DAW1: variants seen among roughly 807,000 people sequenced by gnomAD.
DAW1 encodes dynein assembly factor with WD repeats 1.
Under a neutral mutation model 56.5 loss-of-function variants are expected in DAW1, and 47 were observed. The observed-to-expected ratio is 0.83, with a 90% CI of 0.66 to 1.06. The LOEUF is 1.06. DAW1 is among the 50% of genes least tolerant of loss of function. The probability of loss-of-function intolerance (pLI) is 0.00; values close to 1 mark genes in which losing one functional copy is unlikely to be tolerated. For synonymous variants in DAW1, 190 were observed against 179.0 expected, an observed-to-expected ratio of 1.06 and a Z score of -0.49; for missense variants, 505 against 499.3, an observed-to-expected ratio of 1.01 and a Z score of -0.11.
chr2:227,906,292 G>A lies in DAW1; in HGVS notation c.812G>A (p.Trp271Ter). ...CAEISSASFN[W>*]DCSLILTGSM... The stretch of plus-strand genomic sequence containing the variant: ...GAGATTAGCAGTGCCTCATTCAATT[G>A]GGATTGCTCTCTAATATTAACTGGC... The change falls in exon 9 of 13, where the codon TGG (tryptophan) becomes TAG (stop). Residue 271 changes from tryptophan to a stop codon, truncating the protein, a stop_gained. Transcript: ENST00000309931. LOFTEE classifies it high-confidence loss of function. 6.2e-7 allele frequency: 1 copy of A among 1,613,278 alleles called. No individual in the cohort carries two copies. Among genetic ancestry groups the A allele is most frequent in the Admixed American group, 1.7e-5 (1 of 59,990 alleles).
rs921396551 is a variant in DAW1, at chr2:227,911,264, A to G, written c.973+4012A>G. On this transcript the variant is annotated intron_variant, in intron 10 of 12. Coordinates refer to ENST00000309931, the MANE Select transcript of DAW1 (RefSeq NM_178821.3). ...CATATATACATATATACACGTGTAT[A>G]TACACATATACACGTGTATATATAC... Among the ~76,000 whole-genome samples, 15 of 146,192 alleles carry G rather than the reference A, an allele frequency of 1.0e-4. 1 individual carries two copies. Among genetic ancestry groups the G allele is most frequent in the African/African-American group, 3.5e-4 (14 of 39,922 alleles).
intron 10 of DAW1, among the ~76,000 whole-genome samples, chr2:227,907,510 G>A (rs1691714625): frequency 6.6e-6 from 1 of 151,964 alleles, no homozygotes; most frequent in African/African-American, 2.4e-5. Flanking sequence ...CTTAATATCT[G>A]TATATGATGC....
At chr2:227,913,422 A>G (rs1691876049) in intron 10 of DAW1, among the ~76,000 whole-genome samples, 1 of 152,172 alleles carries the variant, frequency 6.6e-6, no homozygotes, top group Non-Finnish European at 1.5e-5. Flanking sequence ...CATCATGTTG[A>G]AAATCACAGA....
chr2:227,917,665 A>C (rs1291291654), intron 10 of DAW1, among the ~76,000 whole-genome samples: 1 of 152,086 alleles, frequency 6.6e-6, no homozygotes, highest in East Asian at 1.9e-4. Context: ...GTTTTATAAA[A>C]CTTAGAGTGT....
intron 11 of DAW1, among the ~76,000 whole-genome samples, chr2:227,920,799 C>T (rs936848824): frequency 6.6e-6 from 1 of 152,154 alleles, no homozygotes; most frequent in Non-Finnish European, 1.5e-5. Context: ...GCCTCAGCCT[C>T]CCCAGTAGCT....
chr2:227,921,812 T>A (rs1692117624), intron 12 of DAW1, among the ~76,000 whole-genome samples: 1 of 152,222 alleles, frequency 6.6e-6, no homozygotes, highest in Non-Finnish European at 1.5e-5. Flanking sequence ...AGGTAACAAT[T>A]TGATAGCCTG....
chr2:227,910,653 T>C (rs1384856764), intron 10 of DAW1, among the ~76,000 whole-genome samples: 2 of 152,158 alleles, frequency 1.3e-5, no homozygotes, highest in Non-Finnish European at 2.9e-5. Context: ...TGTTACTTTA[T>C]ACTATTTCGG....
chr2:227,883,488 C>A (rs998208611), intron 1 of DAW1, among the ~76,000 whole-genome samples: 3 of 152,214 alleles, frequency 2.0e-5, no homozygotes, highest in African/African-American at 7.2e-5. Flanking sequence ...AGGTTTAATG[C>A]AAGTATATGG....
chr2:227,881,728 T>C (rs1374699405), intron 1 of DAW1, among the ~76,000 whole-genome samples: 1 of 150,308 alleles, frequency 6.7e-6, no homozygotes, highest in African/African-American at 2.4e-5. Context: ...ATACACTTTT[T>C]AACTCTGCCA....
chr2:227,907,168 G>T lies in DAW1; in HGVS notation c.889G>T (p.Ala297Ser). 1 of 1,612,518 alleles carries T rather than the reference G, an allele frequency of 6.2e-7. No homozygotes were observed. Among genetic ancestry groups the T allele is most frequent in the South Asian group, 1.1e-5 (1 of 90,700 alleles). The stretch of plus-strand genomic sequence containing the variant: ...GGATGCTACAAATGGAAAATGTGTG[G>T]CAACCTTAACAGGCCATGATGATGA... ...LWDATNGKCV[A>S]TLTGHDDEIL... Residue 297 changes from alanine to serine, a missense_variant, in exon 10 of 13, where the codon GCA becomes TCA. Coordinates refer to ENST00000309931, the MANE Select transcript of DAW1 (RefSeq NM_178821.3).
Position 227,903,025 on chromosome 2 carries a change from AAGC to A in DAW1, c.566_568del (p.Ser189del). ...AGGTGTGTTTATCATTTAACCCTCA[AAGC>A]ACATTGGTGGCGACTGGAAGTATGG... is the stretch of plus-strand genomic sequence containing the variant. On this transcript the variant is annotated inframe_deletion, in exon 7 of 13. Transcript: ENST00000309931. 2 of 1,614,158 alleles carry A rather than the reference AAGC, an allele frequency of 1.2e-6. No individual in the cohort carries two copies. The highest frequency in any genetic ancestry group is 1.7e-6 in the Non-Finnish European group (2 of 1,180,014).
chr2:227,896,748 G>A (rs1691419196), intron 5 of DAW1, among the ~76,000 whole-genome samples: 3 of 151,934 alleles, frequency 2.0e-5, no homozygotes, highest in African/African-American at 7.3e-5. Context: ...ATTGACATGA[G>A]AGATATCTTC....
At chr2:227,889,152 C>A (rs1239679902) in intron 2 of DAW1, among the ~76,000 whole-genome samples, 3 of 152,012 alleles carry the variant, frequency 2.0e-5, no homozygotes, top group Non-Finnish European at 4.4e-5. Context: ...TCAAAAGAAA[C>A]AGGAAAGAAA....
chr2:227,907,381 T>C, intron 10 of DAW1, 129 bp downstream of exon 10: 1 of 691,216 alleles, frequency 1.4e-6, no homozygotes, highest in East Asian at 2.8e-5. Flanking sequence ...CTCATCTCTA[T>C]CGTGACCATG....
At chr2:227,893,996 A>G in intron 5 of DAW1, 79 bp downstream of exon 5, 1 of 1,418,214 alleles carries the variant, frequency 7.1e-7, no homozygotes, top group Middle Eastern at 2.4e-4. Flanking sequence ...AGGGAAGAAG[A>G]CAAGAGGTCT....
chr2:227,906,243 A>C lies in DAW1; in HGVS notation c.763A>C (p.Asn255His). Residue 255 changes from asparagine (N) to histidine (H), a missense_variant, in exon 9 of 13, where the codon AAT becomes CAT. Physicochemically the swap from Asn to His is moderately conservative, Grantham distance 68 (BLOSUM62 1). Coordinates refer to ENST00000309931, the MANE Select transcript of DAW1 (RefSeq NM_178821.3). ...ATTATTTTTGTGTTGTAGGAAGGTA[A>C]ATATCTTAATTGGTCATTGTGCTGA... ...VWDADTGRKV[N>H]ILIGHCAEIS... The C allele has an allele frequency of 1.2e-6, 2 of 1,611,196 alleles. No homozygotes were observed. The highest frequency in any genetic ancestry group is 2.2e-5 in the East Asian group (1 of 44,822).
intron 10 of DAW1, chr2:227,912,406 T>G (rs901600623): frequency 3.8e-5 from 49 of 1,304,900 alleles, no homozygotes; most frequent in Non-Finnish European, 4.9e-5. Flanking sequence ...TCCGGTGTGT[T>G]CATCTCTTTG....
At chr2:227,884,767 G>C (rs967132128) in intron 1 of DAW1, among the ~76,000 whole-genome samples, 4 of 152,180 alleles carry the variant, frequency 2.6e-5, no homozygotes, top group African/African-American at 7.2e-5. Flanking sequence ...GACATCCCTG[G>C]ATGTCACCGT....
At chr2:227,921,307 T>G in intron 11 of DAW1, 92 bp from the exon 12 acceptor site, 3 of 27,462 alleles carry the variant, frequency 1.1e-4, no homozygotes, top group Non-Finnish European at 2.1e-4. Flanking sequence ...GTAATGTCCT[T>G]TTTTTTTTTT....
Sources: gnomAD v4.1 joint callset for allele counts (sites outside exome capture counted in the v4.1 genomes callset) on GRCh38, gnomAD v4.1.1 for gene constraint, MANE v1.5 for transcripts, NCBI Gene and HGNC (gene_info 2026-07-23, HGNC 2026-07-21) for gene names.